Variants in SEMA6D observed in about 807,000 individuals in gnomAD.
The protein encoded by SEMA6D is semaphorin 6D.
In SEMA6D, 35 loss-of-function variants were observed where a neutral mutation model predicts 106.6. The observed-to-expected ratio is 0.33, with a 90% CI of 0.25 to 0.44. The LOEUF (loss-of-function observed/expected upper bound fraction) is 0.44, where lower values mean the gene tolerates loss of function less well. SEMA6D is among the 20% of genes least tolerant of loss of function. SEMA6D has a pLI of 1.00. For missense variants in SEMA6D, 1,185 were observed against 1,345.9 expected (o/e 0.88, Z 1.87); for synonymous variants, 499 against 487.7 (o/e 1.02, Z -0.31).
chr15:47,768,034 A>G (rs1366846679), intron 17 of SEMA6D, among the ~76,000 whole-genome samples: 6 of 152,182 alleles, frequency 3.9e-5, no homozygotes, highest in East Asian at 3.9e-4. Context: ...GAGCCTTAGT[A>G]TAGTGAATAA....
intron 3 of SEMA6D, among the ~76,000 whole-genome samples, chr15:47,517,852 T>G (rs568464961): frequency 7.2e-5 from 11 of 152,320 alleles, no homozygotes; most frequent in Non-Finnish European, 1.3e-4. Flanking sequence ...ATTAGGGAGC[T>G]GTCTTTTCTC....
At chr15:47,669,396 T>C (rs2078095832) in intron 4 of SEMA6D, among the ~76,000 whole-genome samples, 1 of 152,214 alleles carries the variant, frequency 6.6e-6, no homozygotes, top group African/African-American at 2.4e-5. Flanking sequence ...TCATTAGTGT[T>C]TGGCATAATG....
chr15:47,766,151 G>A lies in SEMA6D; in HGVS notation c.1615G>A (p.Gly539Arg), dbSNP rs1311257654. The change falls in exon 15 of 19, where the codon GGA (glycine) becomes AGA (arginine). Residue 539 changes from glycine to arginine, a missense_variant. Physicochemically the swap from Gly to Arg is moderately radical, Grantham distance 125 (BLOSUM62 -2). This residue lies in a region of SEMA6D where 750 missense variants were observed against 783.5 expected (regional missense o/e 0.96). Transcript: ENST00000536845. ...RDPYCGWLSQ[G>R]SCGRVTPGML... ...CCCGTATTGTGGCTGGTTAAGCCAG[G>A]GATCCTGTGGTAGAGTGACCCCAGG... 8.7e-6 allele frequency: 14 copies of A among 1,613,498 alleles called. No individual in the cohort carries two copies. The highest frequency in any genetic ancestry group is 1.2e-5 in the Non-Finnish European group (14 of 1,179,666).
chr15:47,398,919 GCATAA>G (rs1055086779), intron 1 of SEMA6D, among the ~76,000 whole-genome samples: 1 of 152,096 alleles, frequency 6.6e-6, no homozygotes, highest in Non-Finnish European at 1.5e-5. Flanking sequence ...ACTTCCAGCG[GCATAA>G]CCTTGGTCAA....
intron 3 of SEMA6D, among the ~76,000 whole-genome samples, chr15:47,475,045 C>A (rs1028588402): frequency 1.3e-5 from 2 of 152,084 alleles, no homozygotes; most frequent in Non-Finnish European, 2.9e-5. Context: ...AAAATATGAG[C>A]AAGAAATAAG....
chr15:47,227,490 C>CTT (rs2031799591), intron 1 of SEMA6D, among the ~76,000 whole-genome samples: 1 of 125,708 alleles, frequency 8.0e-6, no homozygotes, highest in Non-Finnish European at 1.7e-5. Context: ...CTTTTTCTTT[C>CTT]TTTCTTTTTT....
chr15:47,216,399 A>G (rs555259059), intron 1 of SEMA6D, among the ~76,000 whole-genome samples: 38 of 152,312 alleles, frequency 2.5e-4, no homozygotes, highest in South Asian at 1.0e-3. Flanking sequence ...CCGTTTGCCA[A>G]TGTATCCCTT....
intron 1 of SEMA6D, among the ~76,000 whole-genome samples, chr15:47,196,954 T>C (rs1341593929): frequency 6.6e-6 from 1 of 152,192 alleles, no homozygotes; most frequent in Non-Finnish European, 1.5e-5. Context: ...ACTACCAGAT[T>C]CTTAATGGTT....
chr15:47,314,713 G>T (rs2036582422), intron 1 of SEMA6D, among the ~76,000 whole-genome samples: 1 of 151,298 alleles, frequency 6.6e-6, no homozygotes, highest in South Asian at 2.1e-4. Flanking sequence ...TGTCTTTGCA[G>T]TCTCTGGACA....
At chr15:47,249,639 A>G (rs1244444863) in intron 1 of SEMA6D, among the ~76,000 whole-genome samples, 2 of 152,142 alleles carry the variant, frequency 1.3e-5, no homozygotes, top group Non-Finnish European at 2.9e-5. Flanking sequence ...TGCTGAATCT[A>G]TTTCCCAGAA....
At chr15:47,283,662 C>T (rs1046543463) in intron 1 of SEMA6D, among the ~76,000 whole-genome samples, 5 of 152,154 alleles carry the variant, frequency 3.3e-5, no homozygotes, top group African/African-American at 7.2e-5. Flanking sequence ...TCTACTTTCC[C>T]ACCATGCTAA....
intron 3 of SEMA6D, among the ~76,000 whole-genome samples, chr15:47,511,770 G>T (rs1566844853): frequency 6.6e-6 from 1 of 152,134 alleles, no homozygotes; most frequent in Non-Finnish European, 1.5e-5. Context: ...TAATGGTGAG[G>T]AGTCTAGGAT....
chr15:47,459,836 A>G (rs2042450067), intron 2 of SEMA6D, among the ~76,000 whole-genome samples: 1 of 152,046 alleles, frequency 6.6e-6, no homozygotes, highest in Non-Finnish European at 1.5e-5. Flanking sequence ...CTATCTGGGG[A>G]AAAATGTGGA....
intron 1 of SEMA6D, among the ~76,000 whole-genome samples, chr15:47,220,777 C>T (rs987188754): frequency 4.6e-5 from 7 of 152,104 alleles, no homozygotes; most frequent in African/African-American, 1.7e-4. Flanking sequence ...ACAGCTAAAT[C>T]ACTTGATGCA....
At chr15:47,750,940 C>T (rs565561032) in intron 1 of SEMA6D, among the ~76,000 whole-genome samples, 12 of 152,278 alleles carry the variant, frequency 7.9e-5, no homozygotes, top group Non-Finnish European at 4.4e-5. Context: ...TTGAAAACAC[C>T]ACATCAGCCA....
chr15:47,349,992 A>G (rs188386080), intron 1 of SEMA6D, among the ~76,000 whole-genome samples: 3 of 152,300 alleles, frequency 2.0e-5, no homozygotes, highest in African/African-American at 7.2e-5. Context: ...CAGCTTCAGA[A>G]CAGTTGACTC....
intron 1 of SEMA6D, among the ~76,000 whole-genome samples, chr15:47,273,955 A>T (rs889190735): frequency 6.6e-6 from 1 of 152,108 alleles, no homozygotes; most frequent in Admixed American, 6.6e-5. Flanking sequence ...CAGTCAGAAC[A>T]TCTCTTTGGT....
intron 1 of SEMA6D, among the ~76,000 whole-genome samples, chr15:47,755,869 A>G (rs919211166): frequency 8.1e-5 from 12 of 148,852 alleles, no homozygotes; most frequent in Non-Finnish European, 1.8e-4. Flanking sequence ...TATATTATGT[A>G]TAATAATATA....
chr15:47,498,228 C>T (rs1463841534), intron 3 of SEMA6D, among the ~76,000 whole-genome samples: 1 of 152,080 alleles, frequency 6.6e-6, no homozygotes. Context: ...CCTGGATTTC[C>T]ACAATGTGGT....
Sources: allele counts gnomAD v4.1 joint callset (sites outside exome capture counted in the v4.1 genomes callset), GRCh38; gene constraint gnomAD v4.1.1; regional missense constraint gnomAD v4.1.1; transcripts MANE v1.5; gene names NCBI Gene and HGNC (gene_info 2026-07-23, HGNC 2026-07-21).